AOX1: variants seen among roughly 807,000 people sequenced by gnomAD.
AOX1 encodes the protein aldehyde oxidase 1.
AOX1 carries 153 observed loss-of-function variants against 169.5 expected under a neutral mutation model. The observed-to-expected ratio is 0.90, with a 90% CI of 0.79 to 1.03. The LOEUF (loss-of-function observed/expected upper bound fraction) is 1.03. AOX1 is among the 50% of genes least tolerant of loss of function. The probability of loss-of-function intolerance (pLI) is 0.00; values close to 1 mark genes in which losing one functional copy is unlikely to be tolerated. For missense variants in AOX1, 1,656 were observed against 1,663.9 expected, an observed-to-expected ratio of 1.00 and a Z score of 0.08; for synonymous variants, 562 against 581.9, an observed-to-expected ratio of 0.97 and a Z score of 0.49.
downstream of AOX1, among the ~76,000 whole-genome samples, chr2:200,673,236 C>T (rs765488861): frequency 9.9e-5 from 15 of 152,206 alleles, no homozygotes; most frequent in Non-Finnish European, 1.3e-4. Context: ...GCTGCCTTTA[C>T]TCCCATGGCT....
downstream of AOX1, chr2:200,678,607 C>G (rs2036128813): frequency 6.6e-6 from 1 of 152,006 alleles, no homozygotes; most frequent in African/African-American, 2.4e-5. Context: ...CTGACTCAAT[C>G]TATATAATCA....
chr2:200,660,922 G>A (rs555423053), intron 29 of AOX1, among the ~76,000 whole-genome samples: 1 of 152,298 alleles, frequency 6.6e-6, no homozygotes, highest in East Asian at 1.9e-4. Flanking sequence ...GCTGGAGAAA[G>A]CTGGAGAGAG....
intron 26 of AOX1, among the ~76,000 whole-genome samples, chr2:200,655,638 G>A (rs1484830150): frequency 2.0e-5 from 3 of 152,192 alleles, no homozygotes; most frequent in Admixed American, 6.5e-5. Flanking sequence ...TACACCTGCC[G>A]ACCAAATAAA....
intron 1 of AOX1, among the ~76,000 whole-genome samples, chr2:200,590,365 C>T (rs2034143166): frequency 6.6e-6 from 1 of 152,308 alleles, no homozygotes; most frequent in East Asian, 1.9e-4. Context: ...GAGATGAGTA[C>T]ATGCAATGAC....
Position 200,599,698 on chromosome 2 carries a change from A to G in AOX1, c.388A>G (p.Arg130Gly). The change falls in exon 5 of 35, where the codon AGG becomes GGG. Residue 130 changes from arginine to glycine, a missense_variant. Transcript: ENST00000374700. ...GMVMSIYTLLRNHPEPTLDQL... is the reference protein window; with the variant it reads ...GMVMSIYTLLGNHPEPTLDQL... ...GGTGATGTCCATCTACACGCTGCTC[A>G]GGAACCACCCAGAGCCCACTCTGGA... is the stretch of plus-strand genomic sequence containing the variant. 1.9e-6 allele frequency: 3 copies of G among 1,613,000 alleles called. No homozygotes were observed. The highest frequency in any genetic ancestry group is 2.5e-6 in the Non-Finnish European group (3 of 1,179,288).
At chr2:200,632,775 G>A (rs1385184842) in intron 20 of AOX1, among the ~76,000 whole-genome samples, 2 of 151,970 alleles carry the variant, frequency 1.3e-5, no homozygotes, top group Non-Finnish European at 1.5e-5. Context: ...TATTTTTGCT[G>A]GCTATAGAAC....
intron 5 of AOX1, among the ~76,000 whole-genome samples, chr2:200,599,994 A>G (rs111758316): frequency 3.1e-4 from 47 of 152,318 alleles, no homozygotes; most frequent in South Asian, 1.7e-3. Context: ...CACATTTAAT[A>G]GTATTAAATA....
Position 200,650,995 on chromosome 2 carries a change from A to G in AOX1, c.2869A>G (p.Lys957Glu), listed in dbSNP as rs1424847729. Residue 957 changes from lysine (K) to glutamate (E), a missense_variant, in exon 26 of 35, where the codon AAG (lysine) becomes GAG (glutamate). Coordinates refer to ENST00000374700, the MANE Select transcript of AOX1 (RefSeq NM_001159.4). Reference sequence around the variant, plus strand: ...ATAGGTGCGAATCATAAACATGTACAAGGAAATTGATCAAACACCCTACAA... The same window carrying G: ...ATAGGTGCGAATCATAAACATGTACGAGGAAATTGATCAAACACCCTACAA... ...PEKVRIINMY[K>E]EIDQTPYKQE... is the part of the protein sequence containing the mutation. The G allele has an allele frequency of 6.2e-7, 1 of 1,614,192 alleles. No homozygotes were observed. The highest frequency in any genetic ancestry group is 2.2e-5 in the East Asian group (1 of 44,882).
At chr2:200,606,745 T>C (rs1045420099) in intron 10 of AOX1, among the ~76,000 whole-genome samples, 6 of 152,216 alleles carry the variant, frequency 3.9e-5, no homozygotes, top group South Asian at 2.1e-4. Flanking sequence ...TTTGTAGCAA[T>C]TGTGAATGGG....
At chr2:200,615,939 T>C in intron 15 of AOX1, 32 bp from the exon 16 acceptor site, 1 of 1,526,548 alleles carries the variant, frequency 6.6e-7, no homozygotes, top group Non-Finnish European at 9.1e-7. Flanking sequence ...ATTCAAACTA[T>C]TTAAAATATC....
At chr2:200,673,402 T>A (rs2036053961), downstream of AOX1, among the ~76,000 whole-genome samples, 2 of 152,226 alleles carry the variant, frequency 1.3e-5, no homozygotes, top group Admixed American at 6.5e-5. Flanking sequence ...GGAAATGATC[T>A]GAGGTGCTCT....
At chr2:200,680,608 C>T (rs1046650595), downstream of AOX1, among the ~76,000 whole-genome samples, 6 of 152,020 alleles carry the variant, frequency 3.9e-5, no homozygotes, top group East Asian at 1.9e-4. Context: ...TGCAGTGGTG[C>T]GATCTTGGCT....
chr2:200,651,328 CA>C, intron 26 of AOX1, 127 bp downstream of exon 26: 3 of 765,338 alleles, frequency 3.9e-6, no homozygotes, highest in Non-Finnish European at 6.4e-6. Context: ...TTAAATTTCA[CA>C]AAAGCCACCA....
intron 20 of AOX1, among the ~76,000 whole-genome samples, chr2:200,634,361 T>C (rs1002848949): frequency 1.2e-4 from 18 of 152,000 alleles, no homozygotes; most frequent in Non-Finnish European, 2.6e-4. Flanking sequence ...AGAGTCTTCT[T>C]ATGTTTGTTT....
In AOX1 at chr2:200,668,818, A is replaced by G. The variant is rs1301167083; in HGVS notation, c.3798+15A>G. ...ATTCATCTAAGGTAAGTAATGTTCTATGGGTAAATATGCATGTTTATATGA... is the reference window on the plus strand; with the variant it reads ...ATTCATCTAAGGTAAGTAATGTTCTGTGGGTAAATATGCATGTTTATATGA... On this transcript the variant is annotated intron_variant, in intron 33 of 34. Transcript: ENST00000374700. 1.1e-5 allele frequency: 18 copies of G among 1,604,258 alleles called. No homozygotes were observed. The highest frequency in any genetic ancestry group is 1.1e-4 in the African/African-American group (8 of 74,692).
chr2:200,609,287 T>G lies in AOX1; in HGVS notation c.1060-34T>G, dbSNP rs751067644. The G allele has an allele frequency of 7.5e-6, 12 of 1,602,106 alleles. No homozygotes were observed. In the Admixed American group the frequency reaches 1.8e-4, roughly 25 times the overall value. ...ATTTTAGCACTTGCTTTTTTATGATTACATAAATGAAAATAACTCATTATT... is the reference window on the plus strand; with the variant it reads ...ATTTTAGCACTTGCTTTTTTATGATGACATAAATGAAAATAACTCATTATT... On this transcript the variant is annotated intron_variant, in intron 11 of 34. Coordinates refer to ENST00000374700, the MANE Select transcript of AOX1 (RefSeq NM_001159.4).
Position 200,604,739 on chromosome 2 carries a change from G to A in AOX1, c.713G>A (p.Ser238Asn). 1 of 1,614,136 alleles carries A rather than the reference G, an allele frequency of 6.2e-7. No individual in the cohort carries two copies. The highest frequency in any genetic ancestry group is 8.5e-7 in the Non-Finnish European group (1 of 1,180,008). ...KQSQRTRVFG[S>N]ERMMWFSPVT... ...TCGCAAAGGACCAGGGTGTTTGGCA[G>A]TGAGAGAATGATGTGGTTTTCCCCC... Residue 238 changes from serine to asparagine, a missense_variant, in exon 9 of 35, where the codon AGT becomes AAT. Physicochemically the swap from Ser to Asn is conservative, Grantham distance 46. Transcript: ENST00000374700.
At chr2:200,667,929 C>CACATCAGTCAGG (rs1478014998) in intron 32 of AOX1, among the ~76,000 whole-genome samples, 1 of 152,028 alleles carries the variant, frequency 6.6e-6, no homozygotes, top group Non-Finnish European at 1.5e-5. Context: ...GGTCTCTGGA[C>CACATCAGTCAGG]ACATCAGTCA....
intron 32 of AOX1, among the ~76,000 whole-genome samples, 195 bp from the exon 33 acceptor site, chr2:200,668,417 ACTT>A (rs2035963939): frequency 6.6e-6 from 1 of 151,868 alleles, no homozygotes; most frequent in Non-Finnish European, 1.5e-5. Context: ...CTGACTTTGA[ACTT>A]CTTTTAACTT....
Sources: gnomAD v4.1 joint callset for allele counts (sites outside exome capture counted in the v4.1 genomes callset) on GRCh38, gnomAD v4.1.1 for gene constraint, MANE v1.5 for transcripts, NCBI Gene and HGNC (gene_info 2026-07-23, HGNC 2026-07-21) for gene names.